Variants in DHRS11 observed in about 807,000 individuals in gnomAD.
The protein encoded by DHRS11 is dehydrogenase/reductase 11, also known as dehydrogenase/reductase SDR family member 11.
In DHRS11, 18 loss-of-function variants were observed where a neutral mutation model predicts 30.7. The ratio of observed to expected loss-of-function variants is 0.59; its 90% CI spans 0.41 to 0.87. The LOEUF (loss-of-function observed/expected upper bound fraction) is 0.87, where lower values mean the gene tolerates loss of function less well. DHRS11 is among the 40% of genes least tolerant of loss of function. DHRS11 has a pLI of 0.00. For missense variants in DHRS11, 300 were observed against 349.0 expected, an observed-to-expected ratio of 0.86 and a Z score of 1.12; for synonymous variants, 123 against 139.6, an observed-to-expected ratio of 0.88 and a Z score of 0.84.
At chr17:36,595,270 G>T in intron 2 of DHRS11, 90 bp downstream of exon 2, 1 of 1,439,242 alleles carries the variant, frequency 6.9e-7, no homozygotes, top group Non-Finnish European at 9.5e-7. Context: ...TGCTGGGGAC[G>T]GGACATCTAG....
At chr17:36,598,822 T>G in intron 3 of DHRS11, 99 bp from the exon 4 acceptor site, 2 of 1,472,014 alleles carry the variant, frequency 1.4e-6, no homozygotes, top group Non-Finnish European at 1.8e-6. Context: ...GTCTTCCCGA[T>G]GGGCATCTGG....
Position 36,600,703 on chromosome 17 carries a change from T to C in DHRS11, c.*500T>C. On this transcript the variant is annotated 3_prime_UTR_variant, in exon 7 of 7. Transcript: ENST00000618403. ...CCAGTCTTGGCTTCTTGTCCCCTCC[T>C]GGGGTCATCCCTCCACTCTGACTCT... is the stretch of plus-strand genomic sequence containing the variant. 1 of 188,376 alleles carries C rather than the reference T, an allele frequency of 5.3e-6. No individual in the cohort carries two copies. The highest frequency in any genetic ancestry group is 1.1e-5 in the Non-Finnish European group (1 of 89,882). The allele number at this position is 188,376 out of a possible 1,614,324, so 11.7% of individuals were successfully genotyped here. A position where few individuals can be genotyped will look rare whatever the true frequency, so the allele number is the denominator to read the frequency against.
chr17:36,596,738 A>G, intron 2 of DHRS11: 1 of 470,488 alleles, frequency 2.1e-6, no homozygotes, highest in South Asian at 1.6e-5. Flanking sequence ...ATGGGGTGAT[A>G]GTAGGGTATA....
chr17:36,600,363 T>C lies in DHRS11; in HGVS notation c.*160T>C. On this transcript the variant is annotated 3_prime_UTR_variant, in exon 7 of 7. Coordinates refer to ENST00000618403, the MANE Select transcript of DHRS11 (RefSeq NM_024308.4). ...GAGATTTTTATATCATCTTGTCAAA[T>C]TGCTTCAGTTGTAAATGTGAAAAAT... The C allele has an allele frequency of 1.3e-6, 1 of 787,822 alleles. No individual in the cohort carries two copies. Among genetic ancestry groups the C allele is most frequent in the Non-Finnish European group, 2.0e-6 (1 of 491,900 alleles). The allele number at this position is 787,822 out of a possible 1,614,324, so 48.8% of individuals were successfully genotyped here.
chr17:36,598,711 T>C (rs989096845), intron 3 of DHRS11: 9 of 586,858 alleles, frequency 1.5e-5, no homozygotes, highest in African/African-American at 5.6e-5. Context: ...GTCGTCAGCT[T>C]AGGGATGAGT....
At chr17:36,596,825 C>G in intron 2 of DHRS11, 1 of 470,902 alleles carries the variant, frequency 2.1e-6, no homozygotes. Context: ...CATCTGCTGA[C>G]AGTAGACTTA....
chr17:36,599,246 C>A, intron 4 of DHRS11, 196 bp downstream of exon 4: 1 of 891,496 alleles, frequency 1.1e-6, no homozygotes, highest in Non-Finnish European at 1.6e-6. Context: ...ATCCAGGAGC[C>A]AACGACCAGA....
At position 36,591,998 on chromosome 17, in the gene DHRS11, C is replaced by G; in HGVS notation, c.-12C>G. Reference sequence around the variant, plus strand: ...GGGCTAGTCCAGCGAGGCGGACGGGCGGCGTGGGCCCATGGCCAGGCCCGG... The same window carrying G: ...GGGCTAGTCCAGCGAGGCGGACGGGGGGCGTGGGCCCATGGCCAGGCCCGG... On this transcript the variant is annotated 5_prime_UTR_variant, in exon 1 of 7. Coordinates refer to ENST00000618403, the MANE Select transcript of DHRS11 (RefSeq NM_024308.4). 8.2e-7 allele frequency: 1 copy of G among 1,225,010 alleles called. No homozygotes were observed. The highest frequency in any genetic ancestry group is 1.0e-6 in the Non-Finnish European group (1 of 983,378). The allele number at this position is 1,225,010 out of a possible 1,614,324, so 75.9% of individuals were successfully genotyped here. A position where few individuals can be genotyped will look rare whatever the true frequency, so the allele number is the denominator to read the frequency against.
chr17:36,596,747 T>TA, intron 2 of DHRS11: 1 of 470,896 alleles, frequency 2.1e-6, no homozygotes, highest in Non-Finnish European at 4.4e-6. Flanking sequence ...TAGTAGGGTA[T>TA]AAAAGTATCC....
Position 36,592,022 on chromosome 17 carries a change from G to T in DHRS11, c.13G>T (p.Gly5Cys). MARP[G>C]MERWRDRLAL... ...GCGGCGTGGGCCCATGGCCAGGCCC[G>T]GCATGGAGCGGTGGCGCGACCGGCT... Residue 5 changes from glycine (G) to cysteine (C), a missense_variant, in exon 1 of 7, where the codon GGC (glycine) becomes TGC (cysteine). By Grantham distance (159) the Gly-to-Cys change is radical. Coordinates refer to ENST00000618403, the MANE Select transcript of DHRS11 (RefSeq NM_024308.4). The surrounding 1 kb of genome is among the most constrained non-coding windows in gnomAD (Gnocchi z 4.4). 8.1e-7 allele frequency: 1 copy of T among 1,229,556 alleles called. No homozygotes were observed. The highest frequency in any genetic ancestry group is 4.1e-5 in the South Asian group (1 of 24,476). 76.2% of individuals were successfully genotyped at this position (1,229,556 alleles called of 1,614,324 possible).
chr17:36,599,869 G>A (rs2074842946), intron 5 of DHRS11, 103 bp from the exon 6 acceptor site: 1 of 1,584,284 alleles, frequency 6.3e-7, no homozygotes, highest in Non-Finnish European at 8.6e-7. Context: ...GCTCCTCCTG[G>A]AGGGTTGGGG....
chr17:36,595,136 A>C lies in DHRS11; in HGVS notation c.313A>C (p.Thr105Pro), dbSNP rs756632041. 3.0e-5 allele frequency: 49 copies of C among 1,613,798 alleles called. No individual in the cohort carries two copies. The highest frequency in any genetic ancestry group is 3.9e-5 in the Non-Finnish European group (46 of 1,180,032). The change falls in exon 2 of 7, where the codon ACC (threonine) becomes CCC (proline). Residue 105 changes from threonine (T) to proline (P), a missense_variant. Physicochemically the swap from Thr to Pro is conservative, Grantham distance 38. Transcript: ENST00000618403. The stretch of plus-strand genomic sequence containing the variant: ...CAATGCTGGCTTGGCCCGGCCTGAC[A>C]CCCTGCTCTCAGGCAGCACCAGTGG... ...INNAGLARPD[T>P]LLSGSTSGWK...
rs543950600 is a variant in DHRS11, at chr17:36,599,144, G to C, written c.582+94G>C. ...AGGAAGCCCATGTTCAGAATGTGCCGCTCAGAGCTCCTGGGAGTGGACTGG... is the reference window on the plus strand; with the variant it reads ...AGGAAGCCCATGTTCAGAATGTGCCCCTCAGAGCTCCTGGGAGTGGACTGG... On this transcript the variant is annotated intron_variant, in intron 4 of 6. Transcript: ENST00000618403. 5.4e-6 allele frequency: 8 copies of C among 1,490,636 alleles called. No individual in the cohort carries two copies. The South Asian group carries it at 7.8e-5, about 15-fold the overall frequency. The allele number at this position is 1,490,636 out of a possible 1,614,324, so 92.3% of individuals were successfully genotyped here.
chr17:36,593,075 T>G (rs1021715957), intron 1 of DHRS11, among the ~76,000 whole-genome samples: 2 of 152,132 alleles, frequency 1.3e-5, no homozygotes, highest in African/African-American at 4.8e-5. Flanking sequence ...ACTGCCCCAC[T>G]CTTTCCTCCC....
chr17:36,592,250 C>A lies in DHRS11; in HGVS notation c.147+94C>A. On this transcript the variant is annotated intron_variant, in intron 1 of 6. Transcript: ENST00000618403. The surrounding 1 kb of genome is among the most constrained non-coding windows in gnomAD (Gnocchi z 4.4). ...CCACGCCGGGGCCCTTTGCTCTAGTCGGGGCGGCCTCTCGGATCCCTTAAG... is the reference window on the plus strand; with the variant it reads ...CCACGCCGGGGCCCTTTGCTCTAGTAGGGGCGGCCTCTCGGATCCCTTAAG... The A allele has an allele frequency of 8.2e-7, 1 of 1,216,668 alleles. No individual in the cohort carries two copies. The highest frequency in any genetic ancestry group is 4.1e-5 in the South Asian group (1 of 24,154). The allele number at this position is 1,216,668 out of a possible 1,614,324, so 75.4% of individuals were successfully genotyped here.
chr17:36,599,888 T>C (rs1179179460), intron 5 of DHRS11, 84 bp from the exon 6 acceptor site: 1 of 1,583,996 alleles, frequency 6.3e-7, no homozygotes, highest in Non-Finnish European at 8.6e-7. Flanking sequence ...GGTGGATGTG[T>C]GGATGCCACA....
At position 36,600,179 on chromosome 17, in the gene DHRS11, GA is replaced by G. The variant is rs756052645; in HGVS notation, c.760del (p.Arg254GlyfsTer6). The G allele has an allele frequency of 6.2e-6, 10 of 1,614,100 alleles. No homozygotes were observed. Among genetic ancestry groups the G allele is most frequent in the Non-Finnish European group, 7.6e-6 (9 of 1,180,014 alleles). Reference protein sequence around the residue: ...AHIQIGDIQMRPTEQVT With the variant: ...AHIQIGDIQMXPTEQVT ...TTCCACAGATTGGAGACATCCAGAT[GA>G]GGCCCACGGAGCAGGTGACCTAGTG... On this transcript the variant is annotated frameshift_variant, in exon 7 of 7. Coordinates refer to ENST00000618403, the MANE Select transcript of DHRS11 (RefSeq NM_024308.4). LOFTEE classifies it high-confidence loss of function.
At position 36,592,698 on chromosome 17, in the gene DHRS11, G is replaced by C. The variant is rs567061514; in HGVS notation, c.147+542G>C. Among the ~76,000 whole-genome samples, 2 of 152,208 alleles carry C rather than the reference G, an allele frequency of 1.3e-5. No homozygotes were observed. The highest frequency in any genetic ancestry group is 4.1e-4 in the South Asian group (2 of 4,834). ...CCACTCTCCTGGGGCGAACAGAGTGGGTGAAATCGGGCGGAAACCTTGAGA... is the reference window on the plus strand; with the variant it reads ...CCACTCTCCTGGGGCGAACAGAGTGCGTGAAATCGGGCGGAAACCTTGAGA... On this transcript the variant is annotated intron_variant, in intron 1 of 6. Coordinates refer to ENST00000618403, the MANE Select transcript of DHRS11 (RefSeq NM_024308.4). This position sits in a 1 kb window ranked among gnomAD's most constrained non-coding sequence, Gnocchi z 4.4.
intron 2 of DHRS11, 108 bp downstream of exon 2, chr17:36,595,288 G>C: frequency 7.9e-7 from 1 of 1,267,482 alleles, no homozygotes. Context: ...TAGGAAGAGG[G>C]AGCTTCGGGT....
Sources: gnomAD v4.1 joint callset for allele counts (sites outside exome capture counted in the v4.1 genomes callset) on GRCh38, gnomAD v4.1.1 for gene constraint, Gnocchi (gnomAD v3.1) non-coding constraint, MANE v1.5 for transcripts, NCBI Gene and HGNC (gene_info 2026-07-23, HGNC 2026-07-21) for gene names.